FGF12: variants seen among roughly 807,000 people sequenced by gnomAD.
The protein encoded by FGF12 is fibroblast growth factor 12, also known as fibroblast growth factor 12B.
Under a neutral mutation model 23.6 loss-of-function variants are expected in FGF12, and 14 were observed. That is an observed-to-expected ratio of 0.59 (90% CI 0.39 to 0.93). The LOEUF is 0.93. Among genes scored for constraint, FGF12 ranks in the 40% least tolerant of loss-of-function variants. The pLI, the probability that FGF12 is intolerant of heterozygous loss-of-function variation, is 0.00. For missense variants in FGF12, 175 were observed against 217.8 expected (o/e 0.80, Z 1.24); for synonymous variants, 62 against 77.3 (o/e 0.80, Z 1.04).
At chr3:192,154,572 T>C (rs1490075062) in intron 5 of FGF12, among the ~76,000 whole-genome samples, 7 of 151,586 alleles carry the variant, frequency 4.6e-5, no homozygotes, top group Non-Finnish European at 7.4e-5. Flanking sequence ...AGTACCCTGC[T>C]GTGAGAGGTG....
chr3:192,702,820 A>G (rs1307821715), intron 2 of FGF12, among the ~76,000 whole-genome samples: 3 of 152,206 alleles, frequency 2.0e-5, no homozygotes, highest in Admixed American at 2.0e-4. Context: ...TAAATTTAAA[A>G]AAAACTAGTC....
chr3:192,499,851 T>A (rs9846051), intron 2 of FGF12, among the ~76,000 whole-genome samples: 1,707 of 152,022 alleles, frequency 0.011, 27 homozygotes, highest in African/African-American at 0.037. Context: ...CCCGGCCTGC[T>A]AGGATCCAAA....
chr3:192,147,643 A>C (rs1713799393), intron 5 of FGF12, among the ~76,000 whole-genome samples: 2 of 151,884 alleles, frequency 1.3e-5, no homozygotes, highest in African/African-American at 4.9e-5. Context: ...AGTAGGTGAG[A>C]AATTATCACC....
intron 4 of FGF12, among the ~76,000 whole-genome samples, chr3:192,288,592 C>T (rs1348909991): frequency 6.6e-6 from 1 of 152,014 alleles, no homozygotes; most frequent in East Asian, 1.9e-4. Flanking sequence ...AAAGTTCATC[C>T]ATGGCCATCC....
intron 2 of FGF12, among the ~76,000 whole-genome samples, chr3:192,523,690 C>A (rs1229991439): frequency 6.6e-6 from 1 of 152,218 alleles, no homozygotes; most frequent in Non-Finnish European, 1.5e-5. Flanking sequence ...ATATTCATTT[C>A]TATTCACTGC....
intron 4 of FGF12, among the ~76,000 whole-genome samples, chr3:192,295,297 C>G (rs2108653697): frequency 6.6e-6 from 1 of 152,316 alleles, no homozygotes; most frequent in Middle Eastern, 3.4e-3. Context: ...CACTACAAAA[C>G]AGCATGTTAA....
At chr3:192,182,565 C>T (rs1215460510) in intron 4 of FGF12, among the ~76,000 whole-genome samples, 1 of 152,116 alleles carries the variant, frequency 6.6e-6, no homozygotes, top group African/African-American at 2.4e-5. Context: ...TAAATGGACT[C>T]GTTGAGTATA....
chr3:192,390,540 C>T (rs1388279982), intron 2 of FGF12, among the ~76,000 whole-genome samples: 1 of 152,132 alleles, frequency 6.6e-6, no homozygotes, highest in African/African-American at 2.4e-5. Context: ...GATTCTACAA[C>T]ATTTCAGGTT....
At chr3:192,489,650 T>A (rs1353243805) in intron 2 of FGF12, among the ~76,000 whole-genome samples, 1 of 151,912 alleles carries the variant, frequency 6.6e-6, no homozygotes, top group Non-Finnish European at 1.5e-5. Flanking sequence ...GAGACTAGGG[T>A]GGCAGGCATC....
At chr3:192,291,016 A>G (rs1179307140) in intron 4 of FGF12, among the ~76,000 whole-genome samples, 1 of 152,130 alleles carries the variant, frequency 6.6e-6, no homozygotes, top group Non-Finnish European at 1.5e-5. Context: ...GTATTTATCT[A>G]TCTATCTACA....
intron 2 of FGF12, among the ~76,000 whole-genome samples, chr3:192,365,706 C>T (rs1187535542): frequency 6.6e-6 from 1 of 151,984 alleles, no homozygotes; most frequent in African/African-American, 2.4e-5. Flanking sequence ...TACTGCTTCC[C>T]ATCAGGATGA....
chr3:192,376,524 G>A (rs943180717), intron 2 of FGF12, among the ~76,000 whole-genome samples: 10 of 151,810 alleles, frequency 6.6e-5, no homozygotes, highest in Non-Finnish European at 7.4e-5. Flanking sequence ...CACCACGCCC[G>A]GCTAATTTTG....
At chr3:192,166,143 A>G (rs1715150235) in intron 5 of FGF12, among the ~76,000 whole-genome samples, 2 of 152,226 alleles carry the variant, frequency 1.3e-5, no homozygotes, top group South Asian at 4.1e-4. Context: ...CCTCAAGTGT[A>G]CATATCTTTG....
chr3:192,389,130 C>T (rs1720183587), intron 2 of FGF12, among the ~76,000 whole-genome samples: 1 of 152,190 alleles, frequency 6.6e-6, no homozygotes, highest in South Asian at 2.1e-4. Context: ...GAGGCCGAGG[C>T]AGGCGGATCA....
chr3:192,698,920 A>G (rs1274209672), intron 2 of FGF12, among the ~76,000 whole-genome samples: 2 of 151,726 alleles, frequency 1.3e-5, no homozygotes, highest in East Asian at 3.9e-4. Context: ...CACATTGTTC[A>G]CTTCCATTTT....
Position 192,144,083 on chromosome 3 carries a change from G to A in FGF12, c.472C>T (p.Gln158Ter), listed in dbSNP as rs747782511. The A allele has an allele frequency of 6.2e-7, 1 of 1,613,646 alleles. No homozygotes were observed. Among genetic ancestry groups the A allele is most frequent in the Non-Finnish European group, 8.5e-7 (1 of 1,179,676 alleles). Reference protein sequence around the residue: ...EPSLHEIGEKQGRSRKSSGTP... With the variant: ...EPSLHEIGEK ...CCAGAACTTTTCCTTGAACGCCCTTGTTTTTCTCCAATTTCATGTAGCGAT... is the reference window on the plus strand; with the variant it reads ...CCAGAACTTTTCCTTGAACGCCCTTATTTTTCTCCAATTTCATGTAGCGAT... Residue 158 changes from glutamine (Q) to a stop codon, truncating the protein, a stop_gained, in exon 6 of 6, where the codon CAA (glutamine) becomes TAA (stop). Coordinates refer to ENST00000445105, the MANE Select transcript of FGF12 (RefSeq NM_004113.6). LOFTEE classifies it high-confidence loss of function.
intron 4 of FGF12, among the ~76,000 whole-genome samples, chr3:192,216,143 A>G (rs1718181495): frequency 6.6e-6 from 1 of 152,186 alleles, no homozygotes; most frequent in African/African-American, 2.4e-5. Context: ...AAGACAATGT[A>G]GTGTATTGTT....
chr3:192,316,558 G>A (rs1268695836), intron 4 of FGF12, among the ~76,000 whole-genome samples: 4 of 152,126 alleles, frequency 2.6e-5, no homozygotes, highest in Non-Finnish European at 5.9e-5. Flanking sequence ...CCCAGATAGG[G>A]GGCACCTAGA....
chr3:192,389,080 C>T (rs1720178016), intron 2 of FGF12, among the ~76,000 whole-genome samples: 1 of 152,178 alleles, frequency 6.6e-6, no homozygotes, highest in African/African-American at 2.4e-5. Context: ...TAATACATGG[C>T]CGGGCGCGGT....
Sources: gnomAD v4.1 joint callset for allele counts (sites outside exome capture counted in the v4.1 genomes callset) on GRCh38, gnomAD v4.1.1 for gene constraint, MANE v1.5 for transcripts, NCBI Gene and HGNC (gene_info 2026-07-23, HGNC 2026-07-21) for gene names.